Variants in ADGRL3 observed in about 807,000 individuals in gnomAD.
ADGRL3 encodes the protein adhesion G protein-coupled receptor L3, also known as calcium-independent alpha-latrotoxin receptor 3.
In ADGRL3, 62 loss-of-function variants were observed where a neutral mutation model predicts 153.5. That is an observed-to-expected ratio of 0.40 (90% CI 0.33 to 0.50). The LOEUF (loss-of-function observed/expected upper bound fraction) is 0.50. Among genes scored for constraint, ADGRL3 ranks in the 20% least tolerant of loss-of-function variants. ADGRL3 has a pLI of 0.47. For missense variants in ADGRL3, 1,641 were observed against 1,859.4 expected (o/e 0.88, Z 2.16); for synonymous variants, 710 against 672.5 (o/e 1.06, Z -0.86).
At chr4:61,953,644 G>GA (rs1032932539) in intron 17 of ADGRL3, among the ~76,000 whole-genome samples, 7 of 152,164 alleles carry the variant, frequency 4.6e-5, no homozygotes, top group Admixed American at 2.0e-4. Flanking sequence ...AGATAGGGAA[G>GA]AAGGACACAG....
intron 15 of ADGRL3, among the ~76,000 whole-genome samples, chr4:61,937,863 AATT>A (rs2098845826): frequency 1.3e-5 from 2 of 152,126 alleles, no homozygotes; most frequent in Admixed American, 1.3e-4. Flanking sequence ...ATATTAGTCA[AATT>A]AAGTTGTGTG....
At chr4:61,335,404 C>G (rs532119271) in intron 1 of ADGRL3, among the ~76,000 whole-genome samples, 4 of 152,290 alleles carry the variant, frequency 2.6e-5, no homozygotes, top group Admixed American at 2.0e-4. Flanking sequence ...AATGGTTCCA[C>G]TTCATCTTTT....
intron 21 of ADGRL3, among the ~76,000 whole-genome samples, chr4:62,008,073 G>A (rs1050805467): frequency 2.0e-5 from 3 of 152,082 alleles, no homozygotes; most frequent in Non-Finnish European, 4.4e-5. Context: ...AGGCTGTTTG[G>A]CAGAGCCATT....
At chr4:61,883,039 C>G (rs1581280452) in intron 9 of ADGRL3, among the ~76,000 whole-genome samples, 1 of 152,256 alleles carries the variant, frequency 6.6e-6, no homozygotes, top group South Asian at 2.1e-4. Context: ...TTGCTTGAAC[C>G]CAGGAGGCAG....
chr4:61,571,319 TAAAATAAAATAAA>T (rs2098837671), intron 4 of ADGRL3, among the ~76,000 whole-genome samples: 1 of 290 alleles, frequency 3.4e-3, no homozygotes, highest in African/African-American at 4.6e-3. Flanking sequence ...AACAAAATAA[TAAAATAAAATAAA>T]ATAAAATAAA....
intron 5 of ADGRL3, among the ~76,000 whole-genome samples, chr4:61,609,868 T>G (rs996841612): frequency 2.4e-4 from 37 of 152,192 alleles, no homozygotes; most frequent in African/African-American, 8.4e-4. Context: ...TATGGATGAT[T>G]ATTTTAGCTA....
chr4:61,501,673 T>A (rs577455599), intron 3 of ADGRL3, among the ~76,000 whole-genome samples: 1 of 152,300 alleles, frequency 6.6e-6, no homozygotes, highest in African/African-American at 2.4e-5. Flanking sequence ...ATTGTTAGTG[T>A]TATACTTTTG....
At chr4:61,913,389 TTTTTG>T (rs1211312208) in intron 13 of ADGRL3, among the ~76,000 whole-genome samples, 1 of 152,184 alleles carries the variant, frequency 6.6e-6, no homozygotes, top group African/African-American at 2.4e-5. Flanking sequence ...GCTCTCTAGT[TTTTTG>T]TTTTGTTTTG....
chr4:61,215,854 G>C (rs974505475), intron 1 of ADGRL3, among the ~76,000 whole-genome samples: 2 of 151,884 alleles, frequency 1.3e-5, no homozygotes, highest in Admixed American at 1.3e-4. Context: ...GCTCGGCCTG[G>C]AATTTCTTAG....
At chr4:61,245,069 G>T (rs2149368063) in intron 1 of ADGRL3, among the ~76,000 whole-genome samples, 1 of 152,120 alleles carries the variant, frequency 6.6e-6, no homozygotes, top group Non-Finnish European at 1.5e-5. Flanking sequence ...AGTAGGAAAT[G>T]AGGAGACAGC....
At chr4:61,482,226 A>T (rs190262669) in intron 2 of ADGRL3, among the ~76,000 whole-genome samples, 10 of 152,328 alleles carry the variant, frequency 6.6e-5, no homozygotes. Flanking sequence ...TGAATTAAAC[A>T]ATGTTTTAAT....
chr4:61,342,215 A>G (rs2095820670), intron 1 of ADGRL3, among the ~76,000 whole-genome samples: 1 of 152,100 alleles, frequency 6.6e-6, no homozygotes, highest in Non-Finnish European at 1.5e-5. Context: ...TTAACTCCTT[A>G]TGTGTATAGG....
At chr4:61,664,853 C>T (rs886304372) in intron 5 of ADGRL3, among the ~76,000 whole-genome samples, 1 of 151,990 alleles carries the variant, frequency 6.6e-6, no homozygotes, top group Non-Finnish European at 1.5e-5. Context: ...TGTTGTTTGC[C>T]TACCACAAAC....
chr4:61,221,439 C>CATAAGACA (rs1745452654), intron 1 of ADGRL3, among the ~76,000 whole-genome samples: 1 of 152,092 alleles, frequency 6.6e-6, no homozygotes, highest in Admixed American at 6.6e-5. Context: ...GCTGTTTCAA[C>CATAAGACA]ATAAGACATC....
chr4:61,956,533 T>C (rs2098967417), intron 17 of ADGRL3, among the ~76,000 whole-genome samples: 1 of 152,190 alleles, frequency 6.6e-6, no homozygotes, highest in South Asian at 2.1e-4. Flanking sequence ...AGAAGCTCTT[T>C]AGTTTAATTA....
intron 8 of ADGRL3, chr4:61,775,737 A>G: frequency 1.0e-6 from 1 of 991,514 alleles, no homozygotes. Context: ...AGCCTTTGGT[A>G]GCTTCATGAA....
At chr4:61,284,209 G>A (rs1183071528) in intron 1 of ADGRL3, among the ~76,000 whole-genome samples, 1 of 151,834 alleles carries the variant, frequency 6.6e-6, no homozygotes, top group East Asian at 1.9e-4. Flanking sequence ...AGTGAGAGAG[G>A]CCTTCTAAGG....
At chr4:62,011,443 G>C (rs1449464900) in intron 21 of ADGRL3, among the ~76,000 whole-genome samples, 2 of 152,034 alleles carry the variant, frequency 1.3e-5, no homozygotes, top group Non-Finnish European at 2.9e-5. Context: ...GTGTCTCTAT[G>C]TCTTAGAGTA....
At chr4:61,225,822 A>G (rs1747702064) in intron 1 of ADGRL3, among the ~76,000 whole-genome samples, 1 of 151,866 alleles carries the variant, frequency 6.6e-6, no homozygotes, top group African/African-American at 2.4e-5. Flanking sequence ...CAGTGACTCA[A>G]CTCCAGCTCC....
Sources: allele counts gnomAD v4.1 joint callset (sites outside exome capture counted in the v4.1 genomes callset), GRCh38; gene constraint gnomAD v4.1.1; transcripts MANE v1.5; gene names NCBI Gene and HGNC (gene_info 2026-07-23, HGNC 2026-07-21).